IRAK4: variants seen among roughly 807,000 people sequenced by gnomAD.
The protein encoded by IRAK4 is interleukin 1 receptor associated kinase 4.
A neutral mutation model predicts 51.8 loss-of-function variants in IRAK4; 44 were observed. The observed-to-expected ratio is 0.85, with a 90% CI of 0.67 to 1.09. The LOEUF (loss-of-function observed/expected upper bound fraction) is 1.09, where lower values mean the gene tolerates loss of function less well. Ranked by LOEUF, IRAK4 falls within the 50% of genes least tolerant of loss-of-function variation. The pLI, the probability that IRAK4 is intolerant of heterozygous loss-of-function variation, is 0.00. For missense variants in IRAK4, 487 were observed against 538.0 expected (o/e 0.91, Z 0.94); for synonymous variants, 149 against 174.1 (o/e 0.86, Z 1.13).
intron 1 of IRAK4, chr12:43,759,456 C>T (rs1304552186): frequency 6.6e-6 from 1 of 152,288 alleles, no homozygotes; most frequent in East Asian, 1.9e-4. Context: ...TTTCTCCGGC[C>T]TCCAAGCTTC....
At position 43,761,700 on chromosome 12, in the gene IRAK4, T is replaced by G. The variant is rs140402035; in HGVS notation, c.-10+2684T>G. ...ACCCCTGCACAATCTTTTCCTCTGA[T>G]CAAAGTGCTAATGAAGCAGTCTTAA... On this transcript the variant is annotated intron_variant, in intron 1 of 11. Transcript: ENST00000613694. Among the ~76,000 whole-genome samples the G allele has an allele frequency of 5.3e-5, 8 of 152,332 alleles. No homozygotes were observed. The East Asian group carries it at 1.5e-3, about 29-fold the overall frequency.
At chr12:43,770,089 A>T (rs4251573) in intron 2 of IRAK4, among the ~76,000 whole-genome samples, 3,238 of 152,340 alleles carry the variant, frequency 0.021, 54 homozygotes, top group Non-Finnish European at 0.031. Context: ...TAAGTTTGAA[A>T]TTTTTAAAAA....
intron 6 of IRAK4, among the ~76,000 whole-genome samples, chr12:43,776,982 T>C (rs1941334466): frequency 6.6e-6 from 1 of 152,228 alleles, no homozygotes; most frequent in Non-Finnish European, 1.5e-5. Context: ...CTTCTTGAAA[T>C]CTTATTTGTG....
intron 2 of IRAK4, among the ~76,000 whole-genome samples, chr12:43,770,467 A>G (rs1192204451): frequency 6.6e-6 from 1 of 152,122 alleles, no homozygotes; most frequent in Non-Finnish European, 1.5e-5. Flanking sequence ...TGGTTACTCT[A>G]CCTCTCCAAG....
At chr12:43,782,826 ATAACTTT>A (rs1485280172) in intron 9 of IRAK4, among the ~76,000 whole-genome samples, 1 of 152,212 alleles carries the variant, frequency 6.6e-6, no homozygotes, top group Admixed American at 6.5e-5. Flanking sequence ...TCTATTCCCA[ATAACTTT>A]TAAGATAGAG....
chr12:43,772,789 C>T lies in IRAK4; in HGVS notation c.491-123C>T, dbSNP rs371211860. ...TATTTTAGAAATGGTTTTATCTTCT[C>T]TCATCTTGTCTAATTCAAAATCATA... On this transcript the variant is annotated intron_variant, in intron 4 of 11. Coordinates refer to ENST00000613694, the MANE Select transcript of IRAK4 (RefSeq NM_016123.4). The T allele has an allele frequency of 1.2e-5, 9 of 742,906 alleles. 1 individual carries two copies. Among genetic ancestry groups the T allele is most frequent in the South Asian group, 7.4e-5 (4 of 54,356 alleles). 46.0% of individuals were successfully genotyped at this position (742,906 alleles called of 1,614,324 possible).
rs1592228126 is a variant in IRAK4 at position 43,771,112 on chromosome 12, A to C, written c.162-108A>C. The C allele has an allele frequency of 9.3e-5, 96 of 1,027,306 alleles. No homozygotes were observed. In the South Asian group the frequency reaches 1.2e-3, roughly 13 times the overall value. 63.6% of individuals were successfully genotyped at this position (1,027,306 alleles called of 1,614,324 possible). A position where few individuals can be genotyped will look rare whatever the true frequency, so the allele number is the denominator to read the frequency against. On this transcript the variant is annotated intron_variant, in intron 2 of 11. Coordinates refer to ENST00000613694, the MANE Select transcript of IRAK4 (RefSeq NM_016123.4). ...TTCCCAGCCTCCAGAACCGTGAGCCAAATTAACTATTATTTATAAATTACC... is the reference window on the plus strand; with the variant it reads ...TTCCCAGCCTCCAGAACCGTGAGCCCAATTAACTATTATTTATAAATTACC...
intron 1 of IRAK4, among the ~76,000 whole-genome samples, chr12:43,765,718 A>G (rs1179533828): frequency 6.6e-6 from 1 of 151,912 alleles, no homozygotes; most frequent in African/African-American, 2.4e-5. Flanking sequence ...ATATGAGAAT[A>G]CTTACATAAT....
chr12:43,767,103 T>C (rs1012503713), intron 1 of IRAK4, among the ~76,000 whole-genome samples: 1 of 152,216 alleles, frequency 6.6e-6, no homozygotes, highest in Non-Finnish European at 1.5e-5. Context: ...TTATTTACTC[T>C]AAAATTGTAT....
intron 8 of IRAK4, 54 bp downstream of exon 8, chr12:43,778,356 C>A: frequency 1.0e-6 from 1 of 979,634 alleles, no homozygotes; most frequent in Non-Finnish European, 1.7e-6. Context: ...GAATAATTTG[C>A]TGTCACTCTA....
chr12:43,772,244 G>T lies in IRAK4; in HGVS notation c.372G>T (p.Gln124His). The T allele has an allele frequency of 1.2e-6, 2 of 1,613,818 alleles. No homozygotes were observed. The highest frequency in any genetic ancestry group is 1.7e-6 in the Non-Finnish European group (2 of 1,179,888). Reference sequence around the variant, plus strand: ...AAGCTATAACAGTTCAGCAAAAACAGATGCCTTTCTGTGACAAAGACAGGA... The same window carrying T: ...AAGCTATAACAGTTCAGCAAAAACATATGCCTTTCTGTGACAAAGACAGGA... ...SKEAITVQQKQMPFCDKDRTL... is the reference protein window; with the variant it reads ...SKEAITVQQKHMPFCDKDRTL... The change falls in exon 4 of 12, where the codon CAG (glutamine) becomes CAT (histidine). Residue 124 changes from glutamine (Q) to histidine (H), a missense_variant. Coordinates refer to ENST00000613694, the MANE Select transcript of IRAK4 (RefSeq NM_016123.4).
intron 5 of IRAK4, among the ~76,000 whole-genome samples, 163 bp downstream of exon 5, chr12:43,773,235 A>C (rs993535811): frequency 6.6e-6 from 1 of 152,194 alleles, no homozygotes; most frequent in Admixed American, 6.5e-5. Context: ...TCTGTTGAAC[A>C]CTATGGACCC....
rs755772831 is a variant in IRAK4, at chr12:43,783,684, G to A, written c.1148G>A (p.Gly383Glu). 12 of 1,606,182 alleles carry A rather than the reference G, an allele frequency of 7.5e-6. No homozygotes were observed. The highest frequency in any genetic ancestry group is 9.4e-6 in the Non-Finnish European group (11 of 1,173,498). The change falls in exon 10 of 12, where the codon GGA (glycine) becomes GAA (glutamate). Residue 383 changes from glycine to glutamate, a missense_variant. Coordinates refer to ENST00000613694, the MANE Select transcript of IRAK4 (RefSeq NM_016123.4). Reference sequence around the variant, plus strand: ...TAGGTTTTACTAGAAATAATAACTGGACTTCCAGCTGTGGATGAACACCGT... The same window carrying A: ...TAGGTTTTACTAGAAATAATAACTGAACTTCCAGCTGTGGATGAACACCGT... ...FGVVLLEIIT[G>E]LPAVDEHREP...
At position 43,777,764 on chromosome 12, in the gene IRAK4, G is replaced by C. The variant is rs1312746057; in HGVS notation, c.831+20G>C. ...TGCTTGGTAAGCTATTTGTTCATCA[G>C]ATTGTTTGGCTTTTTGTTTATATGC... On this transcript the variant is annotated intron_variant, in intron 7 of 11. Coordinates refer to ENST00000613694, the MANE Select transcript of IRAK4 (RefSeq NM_016123.4). 6.3e-7 allele frequency: 1 copy of C among 1,580,212 alleles called. No individual in the cohort carries two copies. The highest frequency in any genetic ancestry group is 1.7e-5 in the Admixed American group (1 of 59,904).
At chr12:43,785,403 G>T (rs1444290679) in intron 10 of IRAK4, among the ~76,000 whole-genome samples, 1 of 151,420 alleles carries the variant, frequency 6.6e-6, no homozygotes. Context: ...AGAGAAATTT[G>T]TTGGGTACAG....
At chr12:43,764,770 G>A (rs1028805687) in intron 1 of IRAK4, among the ~76,000 whole-genome samples, 2 of 150,572 alleles carry the variant, frequency 1.3e-5, no homozygotes, top group African/African-American at 4.8e-5. Flanking sequence ...AGCTTTCCCA[G>A]GTGTTTTTCT....
rs1377674610 is a variant in IRAK4, at chr12:43,773,044, C to T, written c.623C>T (p.Thr208Ile). The change falls in exon 5 of 12, where the codon ACA becomes ATA. Residue 208 changes from threonine (T) to isoleucine (I), a missense_variant. Transcript: ENST00000613694. Reference protein sequence around the residue: ...GVVYKGYVNNTTVAVKKLAAM... With the variant: ...GVVYKGYVNNITVAVKKLAAM... ...GTATATAAAGGCTACGTAAATAACA[C>T]AACTGTGGCAGTGAAGAAGCTTGCA... The T allele has an allele frequency of 6.2e-7, 1 of 1,613,176 alleles. No individual in the cohort carries two copies. The highest frequency in any genetic ancestry group is 1.1e-5 in the South Asian group (1 of 91,024).
intron 6 of IRAK4, among the ~76,000 whole-genome samples, chr12:43,775,964 C>G (rs2137980910): frequency 6.8e-6 from 1 of 146,940 alleles, no homozygotes; most frequent in Non-Finnish European, 1.5e-5. Context: ...TCACTGCAAG[C>G]TCCGCCTCCC....
At chr12:43,780,943 CT>C (rs1217945003) in intron 8 of IRAK4, among the ~76,000 whole-genome samples, 2 of 152,166 alleles carry the variant, frequency 1.3e-5, no homozygotes, top group African/African-American at 4.8e-5. Context: ...TCTTTTGAAT[CT>C]GTATTATTAG....
Sources: allele counts gnomAD v4.1 joint callset (sites outside exome capture counted in the v4.1 genomes callset), GRCh38; gene constraint gnomAD v4.1.1; transcripts MANE v1.5; gene names NCBI Gene and HGNC (gene_info 2026-07-23, HGNC 2026-07-21).